Variants in ITGA1 observed in about 807,000 individuals in gnomAD.
ITGA1 encodes integrin alpha-1.
A neutral mutation model predicts 145.9 loss-of-function variants in ITGA1; 85 were observed. The ratio of observed to expected loss-of-function variants is 0.58; its 90% CI spans 0.49 to 0.70. The LOEUF is 0.70. ITGA1 is among the 30% of genes least tolerant of loss of function. The pLI is 0.00. For missense variants in ITGA1, 1,351 were observed against 1,418.7 expected (o/e 0.95, Z 0.77); for synonymous variants, 520 against 495.3 (o/e 1.05, Z -0.66).
In ITGA1 at chr5:52,910,197, T is replaced by C. The variant is rs754474799; in HGVS notation, c.1635T>C (p.Ile545=). 3.1e-6 allele frequency: 5 copies of C among 1,613,220 alleles called. No individual in the cohort carries two copies. In the South Asian group the frequency reaches 5.5e-5, roughly 18 times the overall value. Residue 545 remains isoleucine (I), a synonymous_variant, in exon 14 of 29, where the codon ATT becomes ATC. Transcript: ENST00000282588. ...RFEYQMSLEP[I]KQTCCSSRQH... ...AATATCAAATGAGCCTGGAACCTATTAAGCAGACGTGCTGTTCATCTCGGC... is the reference window on the plus strand; with the variant it reads ...AATATCAAATGAGCCTGGAACCTATCAAGCAGACGTGCTGTTCATCTCGGC...
At chr5:52,839,834 A>T (rs182237756) in intron 1 of ITGA1, among the ~76,000 whole-genome samples, 279 of 152,264 alleles carry the variant, frequency 1.8e-3, no homozygotes, top group Non-Finnish European at 3.0e-3. Flanking sequence ...AAGTAAGATA[A>T]CTCACTGTCC....
At chr5:52,872,682 C>A (rs895754619) in intron 6 of ITGA1, among the ~76,000 whole-genome samples, 4 of 150,828 alleles carry the variant, frequency 2.7e-5, no homozygotes, top group Non-Finnish European at 5.9e-5. Context: ...CCTCAGGCTC[C>A]CGAGTAGCTT....
At chr5:52,806,970 A>T (rs1345727488) in intron 1 of ITGA1, among the ~76,000 whole-genome samples, 2 of 152,196 alleles carry the variant, frequency 1.3e-5, no homozygotes, top group Non-Finnish European at 2.9e-5. Flanking sequence ...GCTAAGGATG[A>T]TAACATTTAT....
At chr5:52,887,049 T>G (rs1028596109) in intron 7 of ITGA1, among the ~76,000 whole-genome samples, 1 of 144,304 alleles carries the variant, frequency 6.9e-6, no homozygotes, top group Admixed American at 6.6e-5. Flanking sequence ...AAATTCAGGG[T>G]TTTTTTGCAG....
chr5:52,837,970 G>A (rs1244343319), intron 1 of ITGA1, among the ~76,000 whole-genome samples: 1 of 152,146 alleles, frequency 6.6e-6, no homozygotes, highest in South Asian at 2.1e-4. Context: ...AAGCTACTGA[G>A]ACTTTTCTTA....
chr5:52,934,313 C>A (rs1309616982), intron 23 of ITGA1, among the ~76,000 whole-genome samples: 1 of 151,188 alleles, frequency 6.6e-6, no homozygotes, highest in Admixed American at 6.6e-5. Context: ...AAAAAATAAA[C>A]TATGGGACTA....
At chr5:52,923,437 AC>A (rs1164202987) in intron 18 of ITGA1, among the ~76,000 whole-genome samples, 4 of 152,016 alleles carry the variant, frequency 2.6e-5, no homozygotes, top group Admixed American at 6.6e-5. Context: ...AAAAAAAAAA[AC>A]TGTTTAAGAA....
chr5:52,808,803 G>A (rs1005551915), intron 1 of ITGA1, among the ~76,000 whole-genome samples: 31 of 150,418 alleles, frequency 2.1e-4, no homozygotes, highest in Middle Eastern at 3.2e-3. Context: ...TATATCATCG[G>A]ACCTAGTTCC....
chr5:52,849,915 T>A (rs1749402329), intron 2 of ITGA1, among the ~76,000 whole-genome samples: 1 of 152,184 alleles, frequency 6.6e-6, no homozygotes, highest in South Asian at 2.1e-4. Flanking sequence ...TCTACTGAGC[T>A]TGGTCTAATG....
intron 6 of ITGA1, 92 bp downstream of exon 6, chr5:52,865,909 A>G (rs1485500075): frequency 9.8e-7 from 1 of 1,017,276 alleles, no homozygotes; most frequent in African/African-American, 1.7e-5. Context: ...CAAATTAATC[A>G]ATAAAACTAA....
chr5:52,844,657 T>G (rs965124505), intron 1 of ITGA1, among the ~76,000 whole-genome samples: 1 of 152,132 alleles, frequency 6.6e-6, no homozygotes. Flanking sequence ...AGGGGAAAAA[T>G]TACTGGTTTT....
intron 2 of ITGA1, among the ~76,000 whole-genome samples, chr5:52,854,828 C>T (rs1213741032): frequency 1.3e-5 from 2 of 152,036 alleles, no homozygotes; most frequent in Non-Finnish European, 2.9e-5. Context: ...ATAATTGTAG[C>T]TTATTCATGG....
At chr5:52,837,244 C>T (rs563806693) in intron 1 of ITGA1, among the ~76,000 whole-genome samples, 3 of 152,186 alleles carry the variant, frequency 2.0e-5, no homozygotes, top group Admixed American at 6.5e-5. Flanking sequence ...TGACACTGGA[C>T]GAACAAAGCA....
At chr5:52,882,293 G>T (rs1749973362) in intron 7 of ITGA1, among the ~76,000 whole-genome samples, 1 of 151,828 alleles carries the variant, frequency 6.6e-6, no homozygotes. Context: ...ATGTTCTTGG[G>T]TACTAAGACA....
chr5:52,856,889 G>C (rs2111763961), intron 2 of ITGA1, among the ~76,000 whole-genome samples: 1 of 152,194 alleles, frequency 6.6e-6, no homozygotes, highest in Non-Finnish European at 1.5e-5. Context: ...CCCTCAACTG[G>C]GGCTGGAGTG....
chr5:52,833,309 T>C (rs1209355059), intron 1 of ITGA1, among the ~76,000 whole-genome samples: 1 of 152,160 alleles, frequency 6.6e-6, no homozygotes, highest in Admixed American at 6.6e-5. Context: ...TCTGGAACCC[T>C]TAGTAAACTG....
chr5:52,815,473 C>T (rs148134085), intron 1 of ITGA1, among the ~76,000 whole-genome samples: 1 of 152,292 alleles, frequency 6.6e-6, no homozygotes, highest in African/African-American at 2.4e-5. Flanking sequence ...TTCAACTTTC[C>T]TACTCCCCTG....
Position 52,801,685 on chromosome 5 carries a change from A to G in ITGA1, c.61+13271A>G, listed in dbSNP as rs750034729. The G allele has an allele frequency of 1.2e-5, 20 of 1,614,090 alleles. 2 individuals are homozygous for G. The South Asian group carries it at 1.3e-4, about 11-fold the overall frequency. On this transcript the variant is annotated intron_variant, in intron 1 of 28. Coordinates refer to ENST00000282588, the MANE Select transcript of ITGA1 (RefSeq NM_181501.2). Reference sequence around the variant, plus strand: ...GAGCCGGTATGTGAGGCTGGTGGACAGTGTGAAAGAGAATGCAGGCACCGT... The same window carrying G: ...GAGCCGGTATGTGAGGCTGGTGGACGGTGTGAAAGAGAATGCAGGCACCGT...
intron 1 of ITGA1, among the ~76,000 whole-genome samples, chr5:52,798,788 C>T (rs1231823583): frequency 2.0e-5 from 3 of 152,082 alleles, no homozygotes; most frequent in East Asian, 3.9e-4. Context: ...ATTTACATTG[C>T]CATGGTAAAT....
Sources: allele counts gnomAD v4.1 joint callset (sites outside exome capture counted in the v4.1 genomes callset), GRCh38; gene constraint gnomAD v4.1.1; transcripts MANE v1.5; gene names NCBI Gene and HGNC (gene_info 2026-07-23, HGNC 2026-07-21).